The following NF1 variants were observed in gnomAD, a reference collection of about 807,000 sequenced individuals.
NF1 encodes neurofibromin 1, also known as neurofibromin.
In NF1, 122 loss-of-function variants were observed where a neutral mutation model predicts 325.7. That is an observed-to-expected ratio of 0.37 (90% CI 0.32 to 0.44). NF1 has a LOEUF of 0.44. Among genes scored for constraint, NF1 ranks in the 20% least tolerant of loss-of-function variants. The probability of loss-of-function intolerance (pLI) is 1.00; values close to 1 mark genes in which losing one functional copy is unlikely to be tolerated. For synonymous variants in NF1, 1,091 were observed against 1,186.0 expected (o/e 0.92, Z 1.65); for missense variants, 2,140 against 3,415.4 (o/e 0.63, Z 9.31).
At chr17:31,258,965 A>C in intron 32 of NF1, 67 bp from the exon 33 acceptor site, 1 of 1,020,410 alleles carries the variant, frequency 9.8e-7, no homozygotes. Flanking sequence ...TTTTTAAAGA[A>C]TGTCTTAATG....
intron 36 of NF1, among the ~76,000 whole-genome samples, chr17:31,280,568 A>G (rs1472946474): frequency 1.3e-5 from 2 of 151,692 alleles, no homozygotes; most frequent in East Asian, 3.9e-4. Flanking sequence ...CCTGGAGGCC[A>G]TACAAAAATA....
rs541892074 is a variant in NF1 at position 31,104,747 on chromosome 17, C to T, written c.60+9378C>T. Among the ~76,000 whole-genome samples, 5 of 152,218 alleles carry T rather than the reference C, an allele frequency of 3.3e-5. No homozygotes were observed. In the South Asian group the frequency reaches 1.0e-3, roughly 32 times the overall value. ...GGTAGAGCCTTCAGTAAACAGAGTA[C>T]TCTCAGGTGTTTAATGCTATAGGAT... On this transcript the variant is annotated intron_variant, in intron 1 of 57. Transcript: ENST00000358273.
chr17:31,349,401 A>C lies in NF1; in HGVS notation c.7321+150A>C, dbSNP rs2070084460. 1.2e-5 allele frequency: 9 copies of C among 747,652 alleles called. No homozygotes were observed. In the South Asian group the frequency reaches 1.4e-4, roughly 12 times the overall value. 46.3% of individuals were successfully genotyped at this position (747,652 alleles called of 1,614,324 possible). A position where few individuals can be genotyped will look rare whatever the true frequency, so the allele number is the denominator to read the frequency against. On this transcript the variant is annotated intron_variant, in intron 49 of 57. Coordinates refer to ENST00000358273, the MANE Select transcript of NF1 (RefSeq NM_001042492.3). ...CTTTAGTGGTGGTTACAATTTTGAG[A>C]GTTTTGCCAGAACATTTTTCTGTAG...
intron 57 of NF1, among the ~76,000 whole-genome samples, chr17:31,361,977 A>G (rs2070411265): frequency 6.6e-6 from 1 of 152,038 alleles, no homozygotes; most frequent in South Asian, 2.1e-4. Flanking sequence ...TTTTTTTCCC[A>G]TGTAACAAGG....
At chr17:31,290,404 T>C (rs2068322720) in intron 36 of NF1, among the ~76,000 whole-genome samples, 1 of 152,228 alleles carries the variant, frequency 6.6e-6, no homozygotes, top group Non-Finnish European at 1.5e-5. Context: ...TCCTTTCCCC[T>C]TTGGTTTCTG....
At chr17:31,358,893 T>C in intron 55 of NF1, 76 bp from the exon 56 acceptor site, 2 of 1,294,052 alleles carry the variant, frequency 1.5e-6, no homozygotes, top group Admixed American at 3.4e-5. Context: ...TATCATCAGC[T>C]ATATGACTTA....
At chr17:31,317,580 TTA>T (rs1402839210) in intron 36 of NF1, 3 of 152,196 alleles carry the variant, frequency 2.0e-5, no homozygotes, top group African/African-American at 7.2e-5. Context: ...GCTATAAATC[TTA>T]TTTATTTTAG....
rs1361812147 is a variant in NF1 at position 31,200,427 on chromosome 17, A to C, written c.894A>C (p.Leu298Phe). 1 of 1,614,060 alleles carries C rather than the reference A, an allele frequency of 6.2e-7. No individual in the cohort carries two copies. ...VVDENNMNKK[L>F]FLDSLRKALA... ...GCTATATTTGAATTCTGTAGAAGTT[A>C]TTTCTGGACAGTCTACGAAAAGCTC... The change falls in exon 9 of 58, where the codon TTA becomes TTC. Residue 298 changes from leucine (L) to phenylalanine (F), a missense_variant. Coordinates refer to ENST00000358273, the MANE Select transcript of NF1 (RefSeq NM_001042492.3).
At chr17:31,141,309 G>GTTT (rs74267083) in intron 1 of NF1, among the ~76,000 whole-genome samples, 1 of 132,614 alleles carries the variant, frequency 7.5e-6, no homozygotes, top group African/African-American at 2.7e-5. Context: ...TGTTAATCTT[G>GTTT]TTTTTTTTTT....
At chr17:31,319,663 G>A (rs1232755930) in intron 36 of NF1, among the ~76,000 whole-genome samples, 5 of 151,222 alleles carry the variant, frequency 3.3e-5, no homozygotes, top group African/African-American at 4.9e-5. Flanking sequence ...ATTTTACTGT[G>A]GTGGTTGTCT....
chr17:31,309,594 A>G (rs1344480133), intron 36 of NF1, among the ~76,000 whole-genome samples: 1 of 152,192 alleles, frequency 6.6e-6, no homozygotes, highest in East Asian at 1.9e-4. Context: ...AAAGCATCAG[A>G]AAATATAAGC....
Position 31,350,233 on chromosome 17 carries a change from A to C in NF1, c.7372A>C (p.Arg2458=). The part of the protein sequence containing the change: ...EVRSRCSLKH[R]KSLLLTDISM... ...TCGAAGTCGCTGCAGCCTAAAACAT[A>C]GAAAGTCACTTCTTCTTACTGATAT... Residue 2458 remains arginine (R), a synonymous_variant, in exon 50 of 58, where the codon AGA becomes CGA. Transcript: ENST00000358273. 6.2e-7 allele frequency: 1 copy of C among 1,613,966 alleles called. No homozygotes were observed. The highest frequency in any genetic ancestry group is 8.5e-7 in the Non-Finnish European group (1 of 1,179,848).
chr17:31,124,130 CAT>C (rs747789477), intron 1 of NF1, among the ~76,000 whole-genome samples: 43 of 152,212 alleles, frequency 2.8e-4, no homozygotes, highest in Non-Finnish European at 4.9e-4. Context: ...CCTTTTATTA[CAT>C]ATGTTTGTGT....
At chr17:31,233,869 G>A (rs1398188469) in intron 27 of NF1, among the ~76,000 whole-genome samples, 2 of 152,272 alleles carry the variant, frequency 1.3e-5, no homozygotes, top group Non-Finnish European at 1.5e-5. Flanking sequence ...TAACAAGCCT[G>A]TATTTGTTAT....
rs532943423 is a variant in NF1, at chr17:31,279,150, G to C, written c.4835+13811G>C. On this transcript the variant is annotated intron_variant, in intron 36 of 57. Coordinates refer to ENST00000358273, the MANE Select transcript of NF1 (RefSeq NM_001042492.3). ...TAGTCTTAGCCACTTGGGAAGCTGA[G>C]GCAAGTAGATCGCCTGACCCCAGGA... 9.9e-5 allele frequency among the ~76,000 whole-genome samples: 15 copies of C among 152,242 alleles called. 1 individual carries two copies. Among genetic ancestry groups the C allele is most frequent in the African/African-American group, 3.4e-4 (14 of 41,542 alleles).
chr17:31,219,918 T>G (rs2066893060), intron 14 of NF1, among the ~76,000 whole-genome samples: 1 of 152,186 alleles, frequency 6.6e-6, no homozygotes, highest in South Asian at 2.1e-4. Context: ...TGCCAAATAT[T>G]TCATTGTATG....
At chr17:31,307,756 G>A (rs2068762672) in intron 36 of NF1, 1 of 514,566 alleles carries the variant, frequency 1.9e-6, no homozygotes, top group Non-Finnish European at 3.2e-6. Flanking sequence ...TTAACATTAG[G>A]GAATAGAAAA....
intron 40 of NF1, among the ~76,000 whole-genome samples, chr17:31,335,853 A>ATTTT (rs71360768): frequency 1.1e-4 from 12 of 112,764 alleles, no homozygotes; most frequent in Admixed American, 2.9e-4. Flanking sequence ...TAATTTTTGT[A>ATTTT]TTTTTTTTTT....
chr17:31,274,730 G>GGTAATAGTAAAATA (rs2067969174), intron 36 of NF1, among the ~76,000 whole-genome samples: 1 of 150,664 alleles, frequency 6.6e-6, no homozygotes, highest in African/African-American at 2.5e-5. Context: ...GTATATAGTT[G>GGTAATAGTAAAATA]GTAATAGTAA....
Sources: gnomAD v4.1 joint callset for allele counts (sites outside exome capture counted in the v4.1 genomes callset) on GRCh38, gnomAD v4.1.1 for gene constraint, MANE v1.5 for transcripts, NCBI Gene and HGNC (gene_info 2026-07-23, HGNC 2026-07-21) for gene names.